CDKL1: variants seen among roughly 807,000 people sequenced by gnomAD.
CDKL1 encodes the protein cyclin dependent kinase like 1, also known as cyclin-dependent kinase-like 1.
CDKL1 carries 41 observed loss-of-function variants against 42.0 expected under a neutral mutation model. The ratio of observed to expected loss-of-function variants is 0.98; its 90% CI spans 0.76 to 1.27. The LOEUF (loss-of-function observed/expected upper bound fraction) is 1.27, where lower values mean the gene tolerates loss of function less well. CDKL1 is among the 50% of genes most tolerant of loss of function. The probability of loss-of-function intolerance (pLI) is 0.00; values close to 1 mark genes in which losing one functional copy is unlikely to be tolerated. For synonymous variants in CDKL1, 153 were observed against 158.6 expected (o/e 0.96, Z 0.26); for missense variants, 394 against 428.4 (o/e 0.92, Z 0.71).
chr14:50,394,379 T>C (rs2035341020), intron 2 of CDKL1, among the ~76,000 whole-genome samples: 1 of 152,182 alleles, frequency 6.6e-6, no homozygotes, highest in Admixed American at 6.5e-5. Context: ...ATAGATAATA[T>C]CCTGTTGGTT....
At chr14:50,331,885 T>G in intron 9 of CDKL1, 1 of 772,276 alleles carries the variant, frequency 1.3e-6, no homozygotes, top group Admixed American at 3.1e-5. Flanking sequence ...AAACCTGGAG[T>G]GTTAGTTTTA....
intron 3 of CDKL1, among the ~76,000 whole-genome samples, chr14:50,345,330 T>A (rs2033690177): frequency 1.3e-5 from 2 of 152,238 alleles, no homozygotes; most frequent in African/African-American, 4.8e-5. Flanking sequence ...CAAGTATTTA[T>A]AACCACCTAT....
intron 2 of CDKL1, among the ~76,000 whole-genome samples, chr14:50,370,150 C>A (rs1181255364): frequency 1.3e-5 from 2 of 150,248 alleles, no homozygotes; most frequent in Non-Finnish European, 3.0e-5. Context: ...CTCACTCCAA[C>A]CTCTGCCTCC....
At chr14:50,374,477 A>G (rs539133588) in intron 2 of CDKL1, among the ~76,000 whole-genome samples, 1 of 152,364 alleles carries the variant, frequency 6.6e-6, no homozygotes, top group South Asian at 2.1e-4. Flanking sequence ...AGACTGTGAC[A>G]AAAAGAATCT....
intron 2 of CDKL1, among the ~76,000 whole-genome samples, chr14:50,364,340 G>A (rs1057302938): frequency 2.4e-4 from 36 of 152,208 alleles, no homozygotes; most frequent in East Asian, 1.6e-3. Flanking sequence ...GTGGCGGCAC[G>A]CACCTGTAAT....
At chr14:50,385,614 G>A (rs949810988) in intron 2 of CDKL1, among the ~76,000 whole-genome samples, 2 of 151,982 alleles carry the variant, frequency 1.3e-5, no homozygotes, top group Non-Finnish European at 2.9e-5. Flanking sequence ...GACCAGCCCG[G>A]CCAAGATGGT....
At chr14:50,385,065 T>G in intron 2 of CDKL1, among the ~76,000 whole-genome samples, 1 of 86,832 alleles carries the variant, frequency 1.2e-5, no homozygotes, top group Non-Finnish European at 2.0e-5. Flanking sequence ...AGCAAGACTC[T>G]GTCTCAAAAA....
chr14:50,366,457 C>T (rs2034439146), intron 2 of CDKL1, among the ~76,000 whole-genome samples: 1 of 152,182 alleles, frequency 6.6e-6, no homozygotes, highest in African/African-American at 2.4e-5. Flanking sequence ...AGTCAGAAGG[C>T]AGATCCTACA....
chr14:50,366,466 C>T (rs923837669), intron 2 of CDKL1, among the ~76,000 whole-genome samples: 1 of 152,174 alleles, frequency 6.6e-6, no homozygotes, highest in African/African-American at 2.4e-5. Flanking sequence ...GCAGATCCTA[C>T]AGGGCCTTGC....
intron 2 of CDKL1, among the ~76,000 whole-genome samples, chr14:50,395,069 C>T (rs916426228): frequency 1.3e-5 from 2 of 152,300 alleles, no homozygotes; most frequent in Non-Finnish European, 2.9e-5. Flanking sequence ...GCAGTAAATA[C>T]ATATGAGGTG....
intron 1 of CDKL1, 68 bp from the exon 2 acceptor site, chr14:50,396,397 G>C (rs758315887): frequency 3.2e-5 from 32 of 985,620 alleles, no homozygotes; most frequent in Non-Finnish European, 3.6e-5. Context: ...ACGCGATCAG[G>C]AGTAACAGCC....
intron 2 of CDKL1, among the ~76,000 whole-genome samples, chr14:50,364,167 C>G (rs113291028): frequency 0.014 from 2,095 of 152,288 alleles, 40 homozygotes; most frequent in African/African-American, 0.046. Flanking sequence ...TACTATACAT[C>G]TTTTGAAAAC....
intron 2 of CDKL1, chr14:50,378,052 G>T: frequency 2.3e-6 from 2 of 868,258 alleles, no homozygotes; most frequent in Non-Finnish European, 3.1e-6. Context: ...GAATCATCCT[G>T]AGATCTAGGA....
intron 9 of CDKL1, 101 bp downstream of exon 9, chr14:50,332,161 G>A (rs1194137567): frequency 6.2e-7 from 1 of 1,613,726 alleles, no homozygotes; most frequent in Non-Finnish European, 8.5e-7. Flanking sequence ...CCTAGTGCTG[G>A]AATGAGGATG....
At chr14:50,377,262 G>A (rs1252693098) in intron 2 of CDKL1, among the ~76,000 whole-genome samples, 1 of 152,188 alleles carries the variant, frequency 6.6e-6, no homozygotes, top group Non-Finnish European at 1.5e-5. Context: ...GGATGCTGCT[G>A]GGATTCGGTA....
At chr14:50,372,744 A>C (rs1210922760) in intron 2 of CDKL1, among the ~76,000 whole-genome samples, 1 of 152,148 alleles carries the variant, frequency 6.6e-6, no homozygotes, top group Admixed American at 6.5e-5. Flanking sequence ...ATTGTTCTGC[A>C]TGTGGACATC....
intron 2 of CDKL1, chr14:50,380,182 C>T (rs764177533): frequency 3.8e-6 from 2 of 532,448 alleles, no homozygotes; most frequent in Non-Finnish European, 7.7e-6. Context: ...TGAAACTGCT[C>T]TTCCTCCCTG....
In CDKL1 at chr14:50,332,253, A is replaced by C. The variant is rs759006115; in HGVS notation, c.966+9T>G. ...AGGTGGCAGGTAGGAGATCATTTCA[A>C]ATTATAACCTTGGATGTTTCTGTAA... On this transcript the variant is annotated intron_variant, in intron 9 of 9. Transcript: ENST00000395834. The C allele has an allele frequency of 3.7e-6, 6 of 1,614,144 alleles. No individual in the cohort carries two copies. Among genetic ancestry groups the C allele is most frequent in the Admixed American group, 3.3e-5 (2 of 60,010 alleles).
At chr14:50,342,988 C>A (rs1364312252) in intron 4 of CDKL1, 1 of 1,355,816 alleles carries the variant, frequency 7.4e-7, no homozygotes, top group East Asian at 4.7e-5. Flanking sequence ...AGATGCGGCC[C>A]CCCCTCCAGA....
Sources: allele counts gnomAD v4.1 joint callset (sites outside exome capture counted in the v4.1 genomes callset), GRCh38; gene constraint gnomAD v4.1.1; transcripts MANE v1.5; gene names NCBI Gene and HGNC (gene_info 2026-07-23, HGNC 2026-07-21).